Variants in CEP290 observed in about 807,000 individuals in gnomAD.
The protein encoded by CEP290 is centrosomal protein 290.
In CEP290, 317 loss-of-function variants were observed where a neutral mutation model predicts 344.9. The observed-to-expected ratio is 0.92, with a 90% CI of 0.84 to 1.01. The LOEUF is 1.01. Ranked by LOEUF, CEP290 falls within the 50% of genes least tolerant of loss-of-function variation. The pLI, the probability that CEP290 is intolerant of heterozygous loss-of-function variation, is 0.00. For missense variants in CEP290, 2,754 were observed against 2,761.4 expected (o/e 1.00, Z 0.06); for synonymous variants, 932 against 895.8 (o/e 1.04, Z -0.72).
chr12:88,097,887 T>C (rs1478153160), intron 26 of CEP290, among the ~76,000 whole-genome samples: 3 of 152,090 alleles, frequency 2.0e-5, no homozygotes, highest in Non-Finnish European at 4.4e-5. Flanking sequence ...AAAAGAAATA[T>C]AAAATTCTGG....
chr12:88,111,129 A>C (rs2038658629), intron 22 of CEP290, 73 bp downstream of exon 22: 9 of 844,982 alleles, frequency 1.1e-5, no homozygotes, highest in Non-Finnish European at 1.7e-6. Context: ...TAAAAACATA[A>C]AGAAACATAC....
chr12:88,115,781 T>G lies in CEP290; in HGVS notation c.1825-599A>C, dbSNP rs942766138. 2.3e-5 allele frequency: 23 copies of G among 982,318 alleles called. No individual in the cohort carries two copies. Among genetic ancestry groups the G allele is most frequent in the Non-Finnish European group, 2.8e-5 (23 of 827,192 alleles). 60.9% of individuals were successfully genotyped at this position (982,318 alleles called of 1,614,324 possible). On this transcript the variant is annotated intron_variant, in intron 18 of 53. Transcript: ENST00000552810. ...AAAAACTCACCTGAGATCTAAGAAA[T>G]ACTAGCTCTCTCCGTAACTGTTCTA...
intron 41 of CEP290, among the ~76,000 whole-genome samples, chr12:88,075,675 A>G (rs1202394052): frequency 3.3e-5 from 5 of 152,176 alleles, no homozygotes; most frequent in Non-Finnish European, 2.9e-5. Context: ...AATTCTGTTT[A>G]CAGAGAAAAG....
At chr12:88,071,717 T>C in intron 42 of CEP290, 64 bp downstream of exon 42, 1 of 1,256,096 alleles carries the variant, frequency 8.0e-7, no homozygotes. Flanking sequence ...GATAAAGCTA[T>C]ATAATTTCCA....
chr12:88,096,343 G>A (rs974615790), intron 27 of CEP290, among the ~76,000 whole-genome samples: 22 of 151,658 alleles, frequency 1.5e-4, no homozygotes, highest in Admixed American at 6.6e-5. Flanking sequence ...CCACTGCGCC[G>A]GCCATAAAAA....
rs756097381 is a variant in CEP290 at position 88,077,756 on chromosome 12, T to C, written c.5527A>G (p.Ile1843Val). The change falls in exon 40 of 54, where the codon ATT (isoleucine) becomes GTT (valine). Residue 1843 changes from isoleucine to valine, a missense_variant. Ile to Val is a conservative substitution (Grantham distance 29). Coordinates refer to ENST00000552810, the MANE Select transcript of CEP290 (RefSeq NM_025114.4). ...TTCAGTTCATCATTCTCTTGATCAATTTCCTCTTTCTCTCTAAGTATTTTA... is the reference window on the plus strand; with the variant it reads ...TTCAGTTCATCATTCTCTTGATCAACTTCCTCTTTCTCTCTAAGTATTTTA... The part of the protein sequence containing the change: ...YNKILREKEE[I>V]DQENDELKRQ... The C allele has an allele frequency of 1.9e-6, 3 of 1,581,454 alleles. No homozygotes were observed. Among genetic ancestry groups the C allele is most frequent in the Admixed American group, 3.7e-5 (2 of 53,924 alleles).
In CEP290 at chr12:88,086,064, C is replaced by T. The variant is rs749344978; in HGVS notation, c.4412G>A (p.Arg1471Gln). Residue 1471 changes from arginine (R) to glutamine (Q), a missense_variant, in exon 34 of 54, where the codon CGG becomes CAG. Physicochemically the swap from Arg to Gln is conservative, Grantham distance 43. Coordinates refer to ENST00000552810, the MANE Select transcript of CEP290 (RefSeq NM_025114.4). ...CTCTTCTAGTGATTTGCAAGTTGCCCGTGTTTCTAGAATTATTCGAATGTT... is the reference window on the plus strand; with the variant it reads ...CTCTTCTAGTGATTTGCAAGTTGCCTGTGTTTCTAGAATTATTCGAATGTT... ...KENIRIILET[R>Q]ATCKSLEEKL... 8 of 1,611,210 alleles carry T rather than the reference C, an allele frequency of 5.0e-6. No individual in the cohort carries two copies. Among genetic ancestry groups the T allele is most frequent in the South Asian group, 4.4e-5 (4 of 90,288 alleles).
chr12:88,061,140 C>A, intron 46 of CEP290, 146 bp from the exon 47 acceptor site: 1 of 578,128 alleles, frequency 1.7e-6, no homozygotes, highest in Non-Finnish European at 2.8e-6. Context: ...TAAAACAATT[C>A]TATGAGATAG....
chr12:88,115,637 T>A, intron 18 of CEP290: 2 of 1,111,002 alleles, frequency 1.8e-6, no homozygotes, highest in South Asian at 2.7e-5. Context: ...TTTTAGATTT[T>A]AAAAAGTACA....
chr12:88,090,079 T>C (rs1328912087), intron 30 of CEP290, among the ~76,000 whole-genome samples: 1 of 152,048 alleles, frequency 6.6e-6, no homozygotes, highest in Non-Finnish European at 1.5e-5. Context: ...ATCAGGACAA[T>C]GTGTATGTTT....
At position 88,092,765 on chromosome 12, in the gene CEP290, A is replaced by T; in HGVS notation, c.3377T>A (p.Val1126Glu). ...QMLRDELADSVSKAVSDADRQ... is the reference protein window; with the variant it reads ...QMLRDELADSESKAVSDADRQ... The stretch of plus-strand genomic sequence containing the variant: ...ATCAGCATCACTTACTGCCTTGCTC[A>T]CACTATCAGCTAATTCATCTCTTAA... The change falls in exon 29 of 54, where the codon GTG (valine) becomes GAG (glutamate). Residue 1126 changes from valine to glutamate, a missense_variant. Transcript: ENST00000552810. 6.2e-7 allele frequency: 1 copy of T among 1,610,434 alleles called. No individual in the cohort carries two copies. The highest frequency in any genetic ancestry group is 8.5e-7 in the Non-Finnish European group (1 of 1,178,430).
intron 22 of CEP290, among the ~76,000 whole-genome samples, chr12:88,110,111 T>C (rs1279954547): frequency 1.3e-5 from 2 of 152,124 alleles, no homozygotes; most frequent in Non-Finnish European, 2.9e-5. Flanking sequence ...AACTCAAGTA[T>C]ACTCACAAAT....
intron 11 of CEP290, among the ~76,000 whole-genome samples, 178 bp from the exon 12 acceptor site, chr12:88,126,616 GAAATTCA>G (rs1280172169): frequency 6.6e-6 from 1 of 151,988 alleles, no homozygotes; most frequent in Admixed American, 6.6e-5. Flanking sequence ...TATACAACCT[GAAATTCA>G]AATAGAAAAT....
At chr12:88,125,392 AT>A in intron 12 of CEP290, 23 bp from the exon 13 acceptor site, 3 of 1,179,824 alleles carry the variant, frequency 2.5e-6, no homozygotes, top group Non-Finnish European at 3.3e-6. Flanking sequence ...TTAAAACAAT[AT>A]ATATCCCTTC....
intron 13 of CEP290, among the ~76,000 whole-genome samples, chr12:88,124,423 C>T (rs1456750612): frequency 2.0e-5 from 3 of 152,118 alleles, no homozygotes; most frequent in Non-Finnish European, 4.4e-5. Context: ...ATCTCCTGAG[C>T]AAGGCTTTTG....
chr12:88,127,734 G>A (rs2039819627), intron 11 of CEP290, among the ~76,000 whole-genome samples: 1 of 152,080 alleles, frequency 6.6e-6, no homozygotes, highest in Non-Finnish European at 1.5e-5. Flanking sequence ...TTATTCCACA[G>A]ATATACTTGT....
chr12:88,126,532 T>C (rs2039743299), intron 11 of CEP290, 94 bp from the exon 12 acceptor site: 4 of 830,748 alleles, frequency 4.8e-6, no homozygotes, highest in South Asian at 2.8e-5. Context: ...AGTAGATTTA[T>C]GATACAGAAA....
intron 49 of CEP290, chr12:88,058,527 G>T: frequency 3.4e-6 from 1 of 295,608 alleles, no homozygotes; most frequent in Non-Finnish European, 6.2e-6. Flanking sequence ...ATAGCACCCA[G>T]GAGAAGCTGA....
Position 88,129,147 on chromosome 12 carries a change from T to C in CEP290, c.853-112A>G, listed in dbSNP as rs2039913257. ...ATAAATATATCTACATACACACACATACGTATTCATACTTATATACACATA... is the reference window on the plus strand; with the variant it reads ...ATAAATATATCTACATACACACACACACGTATTCATACTTATATACACATA... On this transcript the variant is annotated intron_variant, in intron 10 of 53. Transcript: ENST00000552810. The C allele has an allele frequency of 2.0e-5, 7 of 345,770 alleles. No homozygotes were observed. In the South Asian group the frequency reaches 3.2e-4, roughly 16 times the overall value. The allele number at this position is 345,770 out of a possible 1,614,324, so 21.4% of individuals were successfully genotyped here. A position where few individuals can be genotyped will look rare whatever the true frequency, so the allele number is the denominator to read the frequency against.
Sources: gnomAD v4.1 joint callset for allele counts (sites outside exome capture counted in the v4.1 genomes callset) on GRCh38, gnomAD v4.1.1 for gene constraint, MANE v1.5 for transcripts, NCBI Gene and HGNC (gene_info 2026-07-23, HGNC 2026-07-21) for gene names.